SLC43A3: variants seen among roughly 807,000 people sequenced by gnomAD.
SLC43A3 encodes the protein equilibrative nucleobase transporter 1.
Under a neutral mutation model 53.3 loss-of-function variants are expected in SLC43A3, and 33 were observed. The observed-to-expected ratio is 0.62, with a 90% CI of 0.47 to 0.83. SLC43A3 has a LOEUF of 0.83. SLC43A3 is among the 40% of genes least tolerant of loss of function. The pLI is 0.00. For synonymous variants in SLC43A3, 236 were observed against 246.2 expected, an observed-to-expected ratio of 0.96 and a Z score of 0.39; for missense variants, 530 against 610.0, an observed-to-expected ratio of 0.87 and a Z score of 1.38.
chr11:57,427,365 C>A, upstream of SLC43A3: 1 of 152,944 alleles, frequency 6.5e-6, no homozygotes. Context: ...CCTCTGCCTC[C>A]CCTAACCAAG....
At chr11:57,417,934 C>A in intron 7 of SLC43A3, 47 bp from the exon 8 acceptor site, 1 of 1,584,572 alleles carries the variant, frequency 6.3e-7, no homozygotes, top group Non-Finnish European at 8.6e-7. Flanking sequence ...ACGTTCATAG[C>A]AGCACTATTC....
At position 57,424,001 on chromosome 11, in the gene SLC43A3, G is replaced by A. The variant is rs779877465; in HGVS notation, c.342C>T (p.Ile114=). The A allele has an allele frequency of 1.2e-6, 2 of 1,614,192 alleles. No homozygotes were observed. The highest frequency in any genetic ancestry group is 2.2e-5 in the East Asian group (1 of 44,888). ...AIFFYTTATL[I]IAFTSAGSAV... ...ACTCACCTGCAGAGGTGAAGGCTAT[G>A]ATGAGTGTGGCGGTGGTGTAGAAAA... Residue 114 remains isoleucine (I), a synonymous_variant, in exon 5 of 14, where the codon ATC becomes ATT. Coordinates refer to ENST00000395124, the MANE Select transcript of SLC43A3 (RefSeq NM_199329.3).
intron 11 of SLC43A3, among the ~76,000 whole-genome samples, chr11:57,411,065 T>C (rs1942435581): frequency 6.6e-6 from 1 of 152,066 alleles, no homozygotes; most frequent in Admixed American, 6.6e-5. Flanking sequence ...CTAATACATG[T>C]ATATACACCT....
chr11:57,414,776 C>T lies in SLC43A3; in HGVS notation c.944-45G>A, dbSNP rs191415646. The stretch of plus-strand genomic sequence containing the variant: ...GTTGGTTGATGAGAAGTTTCCAAAA[C>T]TCCCTTCCAGGCAGGGACTCTCCCA... On this transcript the variant is annotated intron_variant, in intron 10 of 13. Coordinates refer to ENST00000395124, the MANE Select transcript of SLC43A3 (RefSeq NM_199329.3). 33 of 1,564,684 alleles carry T rather than the reference C, an allele frequency of 2.1e-5. No homozygotes were observed. The African/African-American group carries it at 4.1e-4, about 19-fold the overall frequency.
Position 57,407,694 on chromosome 11 carries a change from T to G in SLC43A3, c.*98A>C, listed in dbSNP as rs1942264862. ...GTGTGTGTGTGTGTGTGTGTGTGTT[T>G]TGCTGGGATAGGCAAAGTCTTTTGG... On this transcript the variant is annotated 3_prime_UTR_variant, in exon 14 of 14. Coordinates refer to ENST00000395124, the MANE Select transcript of SLC43A3 (RefSeq NM_199329.3). The G allele has an allele frequency of 4.4e-6, 3 of 686,022 alleles. No homozygotes were observed. The highest frequency in any genetic ancestry group is 5.3e-6 in the Non-Finnish European group (2 of 378,024). 42.5% of individuals were successfully genotyped at this position (686,022 alleles called of 1,614,324 possible). A position where few individuals can be genotyped will look rare whatever the true frequency, so the allele number is the denominator to read the frequency against.
At chr11:57,424,275 T>C (rs1407741019) in intron 4 of SLC43A3, among the ~76,000 whole-genome samples, 1 of 152,192 alleles carries the variant, frequency 6.6e-6, no homozygotes, top group Non-Finnish European at 1.5e-5. Context: ...AAGGCTAGCA[T>C]GGAAAGTCTT....
chr11:57,419,117 C>T (rs923334160), intron 7 of SLC43A3, among the ~76,000 whole-genome samples: 1 of 152,234 alleles, frequency 6.6e-6, no homozygotes, highest in African/African-American at 2.4e-5. Flanking sequence ...CCCATCCCCA[C>T]AGCCGGTGGA....
chr11:57,414,173 C>A (rs1220174098), intron 11 of SLC43A3, among the ~76,000 whole-genome samples: 1 of 152,186 alleles, frequency 6.6e-6, no homozygotes, highest in South Asian at 2.1e-4. Flanking sequence ...CACTCAGTGA[C>A]TAGTGTTTTA....
chr11:57,425,482 G>T, intron 4 of SLC43A3, 59 bp downstream of exon 4: 4 of 1,574,480 alleles, frequency 2.5e-6, no homozygotes, highest in Non-Finnish European at 3.5e-6. Flanking sequence ...TCCAAGCTAG[G>T]CTGCTGCCTG....
intron 10 of SLC43A3, 60 bp from the exon 11 acceptor site, chr11:57,414,791 G>T: frequency 6.5e-7 from 1 of 1,535,442 alleles, no homozygotes; most frequent in Non-Finnish European, 9.0e-7. Flanking sequence ...TTCCAGGCAG[G>T]GACTCTCCCA....
In SLC43A3 at chr11:57,426,027, G is replaced by T; in HGVS notation, c.146C>A (p.Pro49Gln). ...GGCATTGCCAATCGGCCCAGCATCT[G>T]GTCCACACAGATCCTTAAAGTAATC... ...NEDYFKDLCG[P>Q]DAGPIGNATG... Residue 49 changes from proline to glutamine, a missense_variant, in exon 3 of 14, where the codon CCA (proline) becomes CAA (glutamine). Around this residue, in one of 3 missense-constraint regions of SLC43A3, gnomAD observed 30 missense variants for 57.0 expected, o/e 0.53. Coordinates refer to ENST00000395124, the MANE Select transcript of SLC43A3 (RefSeq NM_199329.3). 1 of 1,614,232 alleles carries T rather than the reference G, an allele frequency of 6.2e-7. No individual in the cohort carries two copies. The highest frequency in any genetic ancestry group is 1.1e-5 in the South Asian group (1 of 91,080).
At position 57,410,027 on chromosome 11, in the gene SLC43A3, G is replaced by T. The variant is rs544845844; in HGVS notation, c.1155C>A (p.Val385=). Residue 385 remains valine (V), a synonymous_variant, in exon 12 of 14, where the codon GTC becomes GTA. Coordinates refer to ENST00000395124, the MANE Select transcript of SLC43A3 (RefSeq NM_199329.3). The stretch of plus-strand genomic sequence containing the variant: ...TGAGGTACTGGAGAGGGAGGATGGG[G>T]ACTGAGGCACAGAGGGCGAAGCCCA... The part of the protein sequence containing the change: ...LCLGFALCAS[V]PILPLQYLTF... The T allele has an allele frequency of 6.2e-7, 1 of 1,613,302 alleles. No individual in the cohort carries two copies. The highest frequency in any genetic ancestry group is 1.3e-5 in the African/African-American group (1 of 75,062).
chr11:57,418,788 G>GTTAA (rs997360272), intron 7 of SLC43A3, among the ~76,000 whole-genome samples: 2 of 151,970 alleles, frequency 1.3e-5, no homozygotes, highest in African/African-American at 2.4e-5. Context: ...TACTCGGGTG[G>GTTAA]TTAAGGCAGG....
chr11:57,419,170 T>C (rs1026283975), intron 7 of SLC43A3, among the ~76,000 whole-genome samples: 2 of 152,078 alleles, frequency 1.3e-5, no homozygotes, highest in African/African-American at 4.8e-5. Context: ...GCCCAGTGCC[T>C]TTTTTCCCCC....
chr11:57,414,861 C>T (rs1399922096), intron 10 of SLC43A3, 72 bp downstream of exon 10: 2 of 1,574,390 alleles, frequency 1.3e-6, no homozygotes, highest in African/African-American at 1.3e-5. Context: ...CTGGTGTGTA[C>T]AGCCCTGCTG....
chr11:57,420,907 G>T, intron 7 of SLC43A3, 65 bp downstream of exon 7: 1 of 1,103,636 alleles, frequency 9.1e-7, no homozygotes, highest in Non-Finnish European at 1.4e-6. Flanking sequence ...AAATAATGCA[G>T]GTTCACAAGA....
At chr11:57,424,809 T>A (rs1590712333) in intron 4 of SLC43A3, among the ~76,000 whole-genome samples, 1 of 152,224 alleles carries the variant, frequency 6.6e-6, no homozygotes, top group East Asian at 1.9e-4. Flanking sequence ...CCCTCCCGTC[T>A]CTCTCTCTGA....
intron 11 of SLC43A3, 99 bp downstream of exon 11, chr11:57,414,506 CAAAAAAAAAA>C (rs397849571): frequency 2.4e-5 from 7 of 288,436 alleles, no homozygotes; most frequent in Admixed American, 4.8e-5. Context: ...GACTCTATCA[CAAAAAAAAAA>C]AAAAAAAAAA....
chr11:57,421,477 C>G (rs1942986456), intron 5 of SLC43A3, 104 bp from the exon 6 acceptor site: 1 of 820,508 alleles, frequency 1.2e-6, no homozygotes, highest in Non-Finnish European at 2.0e-6. Flanking sequence ...ATCCTGGTAT[C>G]CAGGCCCCAA....
Sources: gnomAD v4.1 joint callset for allele counts (sites outside exome capture counted in the v4.1 genomes callset) on GRCh38, gnomAD v4.1.1 for gene constraint, gnomAD v4.1.1 regional missense constraint, MANE v1.5 for transcripts, NCBI Gene and HGNC (gene_info 2026-07-23, HGNC 2026-07-21) for gene names.